Variants in TANC2 observed in about 807,000 individuals in gnomAD.
TANC2 encodes tetratricopeptide repeat, ankyrin repeat and coiled-coil containing 2.
Under a neutral mutation model 210.5 loss-of-function variants are expected in TANC2, and 26 were observed. The ratio of observed to expected loss-of-function variants is 0.12; its 90% CI spans 0.09 to 0.17. The LOEUF (loss-of-function observed/expected upper bound fraction) is 0.17. TANC2 is among the 10% of genes least tolerant of loss of function. TANC2 has a pLI of 1.00. For synonymous variants in TANC2, 931 were observed against 967.1 expected, an observed-to-expected ratio of 0.96 and a Z score of 0.69; for missense variants, 2,129 against 2,608.9, an observed-to-expected ratio of 0.82 and a Z score of 4.01.
chr17:63,127,475 T>C (rs1050169616), intron 4 of TANC2, among the ~76,000 whole-genome samples: 2 of 152,242 alleles, frequency 1.3e-5, no homozygotes. Context: ...TTTGACACTT[T>C]ACTTCCCAAA....
At chr17:63,069,932 C>T (rs1462524231) in intron 2 of TANC2, among the ~76,000 whole-genome samples, 2 of 152,140 alleles carry the variant, frequency 1.3e-5, no homozygotes. Flanking sequence ...GCCATATTTT[C>T]ATTCTGCATT....
intron 7 of TANC2, among the ~76,000 whole-genome samples, chr17:63,201,294 C>T (rs1198757598): frequency 6.6e-6 from 1 of 151,950 alleles, no homozygotes; most frequent in African/African-American, 2.4e-5. Context: ...CTGGTATAGT[C>T]GAGAGTTTTA....
intron 5 of TANC2, among the ~76,000 whole-genome samples, chr17:63,175,533 CAAAAAAA>C (rs57220783): frequency 2.6e-4 from 27 of 103,400 alleles, no homozygotes; most frequent in Admixed American, 3.3e-4. Context: ...TCTCCCCCGC[CAAAAAAA>C]AAAAAAAAAA....
At chr17:63,410,798 T>C (rs2048672334) in intron 21 of TANC2, among the ~76,000 whole-genome samples, 1 of 127,724 alleles carries the variant, frequency 7.8e-6, no homozygotes, top group South Asian at 2.5e-4. Flanking sequence ...GAGGTGGAGG[T>C]TGCAGTGAGC....
At chr17:63,100,996 T>G (rs975528793) in intron 4 of TANC2, among the ~76,000 whole-genome samples, 1 of 152,168 alleles carries the variant, frequency 6.6e-6, no homozygotes, top group African/African-American at 2.4e-5. Flanking sequence ...AATTTAATGA[T>G]TAAGAATGCA....
At chr17:63,012,168 C>T (rs150947736) in intron 2 of TANC2, among the ~76,000 whole-genome samples, 12 of 152,010 alleles carry the variant, frequency 7.9e-5, no homozygotes, top group Non-Finnish European at 1.3e-4. Context: ...AGGTGTACAC[C>T]ACCACACCTA....
intron 5 of TANC2, among the ~76,000 whole-genome samples, chr17:63,188,874 A>G (rs1277854809): frequency 1.3e-5 from 2 of 151,980 alleles, no homozygotes; most frequent in Admixed American, 6.6e-5. Context: ...TATCACCACT[A>G]ATTTTAGAGC....
Position 63,237,868 on chromosome 17 carries a change from G to A in TANC2, c.824G>A (p.Ser275Asn). Residue 275 changes from serine to asparagine, a missense_variant, in exon 8 of 28, where the codon AGC becomes AAC. Around this residue, in one of 5 missense-constraint regions of TANC2, gnomAD observed 739 missense variants for 848.0 expected, o/e 0.87. Coordinates refer to ENST00000689528, the Ensembl canonical transcript of TANC2. ...GAACGCACAAAATATGCTGGGGAAA[G>A]CAGTAAAGAATTAGGATCTGGAGGA... 1 of 1,557,008 alleles carries A rather than the reference G, an allele frequency of 6.4e-7. No homozygotes were observed. Among genetic ancestry groups the A allele is most frequent in the East Asian group, 2.4e-5 (1 of 41,794 alleles).
chr17:63,083,750 A>G (rs1345251069), intron 3 of TANC2, among the ~76,000 whole-genome samples: 1 of 152,158 alleles, frequency 6.6e-6, no homozygotes, highest in Non-Finnish European at 1.5e-5. Flanking sequence ...GGATATGATC[A>G]TGTGATTTTT....
chr17:63,173,475 A>AT (rs1567785192), intron 5 of TANC2, among the ~76,000 whole-genome samples: 1 of 152,222 alleles, frequency 6.6e-6, no homozygotes, highest in African/African-American at 2.4e-5. Context: ...CTTAAGACCA[A>AT]CTGGAGAAAG....
chr17:63,189,068 A>G (rs752179184), intron 5 of TANC2, among the ~76,000 whole-genome samples: 3 of 152,072 alleles, frequency 2.0e-5, no homozygotes, highest in Non-Finnish European at 2.9e-5. Context: ...TTAGCACAAT[A>G]CTTTCAGTGA....
chr17:63,051,493 T>C (rs1568345724), intron 2 of TANC2, among the ~76,000 whole-genome samples: 1 of 152,194 alleles, frequency 6.6e-6, no homozygotes, highest in African/African-American at 2.4e-5. Flanking sequence ...CTGTTGAAAC[T>C]GTATGTTGAG....
chr17:63,417,893 G>A (rs754153280), intron 26 of TANC2, among the ~76,000 whole-genome samples: 1 of 152,192 alleles, frequency 6.6e-6, no homozygotes, highest in Non-Finnish European at 1.5e-5. Context: ...AAGCCACAGT[G>A]TAGTGCATGT....
chr17:63,031,447 A>C (rs2034766495), intron 2 of TANC2, among the ~76,000 whole-genome samples: 3 of 152,170 alleles, frequency 2.0e-5, no homozygotes, highest in Admixed American at 6.6e-5. Flanking sequence ...AAAAATTTAC[A>C]TCACACTTCA....
chr17:63,307,470 T>G (rs2044958700), intron 9 of TANC2, among the ~76,000 whole-genome samples: 1 of 152,212 alleles, frequency 6.6e-6, no homozygotes, highest in South Asian at 2.1e-4. Context: ...CTAACTTGTC[T>G]AAGATATTCA....
At chr17:63,237,928 T>G (rs1189097027) in exon 8 of TANC2, 2 of 1,586,562 alleles carry the variant, frequency 1.3e-6, no homozygotes, top group Non-Finnish European at 1.7e-6. Flanking sequence ...AAATCCAGCA[T>G]GGACTCCTGT....
chr17:63,194,019 T>G, exon 6 of TANC2: 4 of 1,613,068 alleles, frequency 2.5e-6, no homozygotes, highest in Non-Finnish European at 3.4e-6. Context: ...TTGGCCCCCC[T>G]CCATCTGTAG....
chr17:63,040,022 C>T (rs2035122823), intron 2 of TANC2, among the ~76,000 whole-genome samples: 1 of 151,988 alleles, frequency 6.6e-6, no homozygotes, highest in African/African-American at 2.4e-5. Flanking sequence ...GCAGCTCCTG[C>T]CAATGTCTCT....
intron 14 of TANC2, among the ~76,000 whole-genome samples, chr17:63,371,129 T>C (rs1292787147): frequency 1.3e-5 from 2 of 152,178 alleles, no homozygotes; most frequent in Non-Finnish European, 2.9e-5. Context: ...GCCAGCTAGC[T>C]GTAACTATAC....
Sources: allele counts gnomAD v4.1 joint callset (sites outside exome capture counted in the v4.1 genomes callset), GRCh38; gene constraint gnomAD v4.1.1; regional missense constraint gnomAD v4.1.1; transcripts MANE v1.5; gene names NCBI Gene and HGNC (gene_info 2026-07-23, HGNC 2026-07-21).